L3MBTL4: variants seen among roughly 807,000 people sequenced by gnomAD.
L3MBTL4 encodes the protein lethal(3)malignant brain tumor-like protein 4.
Under a neutral mutation model 84.5 loss-of-function variants are expected in L3MBTL4, and 70 were observed. That is an observed-to-expected ratio of 0.83 (90% CI 0.68 to 1.01). The LOEUF (loss-of-function observed/expected upper bound fraction) is 1.01. Among genes scored for constraint, L3MBTL4 ranks in the 50% least tolerant of loss-of-function variants. The pLI is 0.00. For synonymous variants in L3MBTL4, 274 were observed against 259.8 expected (o/e 1.05, Z -0.52); for missense variants, 715 against 754.8 (o/e 0.95, Z 0.62).
At chr18:6,073,971 C>T (rs2057775249) in intron 16 of L3MBTL4, among the ~76,000 whole-genome samples, 1 of 152,110 alleles carries the variant, frequency 6.6e-6, no homozygotes, top group African/African-American at 2.4e-5. Flanking sequence ...CTGTCATATT[C>T]CTAAGTTAGA....
intron 1 of L3MBTL4, among the ~76,000 whole-genome samples, chr18:6,337,010 A>G (rs1388932391): frequency 6.6e-6 from 1 of 152,224 alleles, no homozygotes; most frequent in African/African-American, 2.4e-5. Context: ...AAAATACAAT[A>G]TCTGAAACTC....
intron 1 of L3MBTL4, among the ~76,000 whole-genome samples, chr18:6,385,598 AC>A (rs2054786169): frequency 6.6e-6 from 1 of 152,004 alleles, no homozygotes; most frequent in African/African-American, 2.4e-5. Context: ...TTGGTTAACC[AC>A]TCTTCAAGCT....
intron 5 of L3MBTL4, among the ~76,000 whole-genome samples, chr18:6,261,260 CAG>C (rs2048387660): frequency 6.6e-6 from 1 of 152,202 alleles, no homozygotes; most frequent in Admixed American, 6.5e-5. Context: ...TTTGCACACA[CAG>C]AGTCTTAAAC....
At chr18:6,403,734 T>C (rs1266300829) in intron 1 of L3MBTL4, among the ~76,000 whole-genome samples, 1 of 152,180 alleles carries the variant, frequency 6.6e-6, no homozygotes, top group Non-Finnish European at 1.5e-5. Context: ...GATCCAGCAA[T>C]CCCACTACTG....
intron 5 of L3MBTL4, among the ~76,000 whole-genome samples, chr18:6,253,003 A>G (rs982880461): frequency 6.6e-6 from 1 of 152,162 alleles, no homozygotes; most frequent in African/African-American, 2.4e-5. Flanking sequence ...AGAGATCAAG[A>G]CCATCCTGGC....
At chr18:6,311,258 T>A (rs191806434) in intron 3 of L3MBTL4, among the ~76,000 whole-genome samples, 1 of 152,152 alleles carries the variant, frequency 6.6e-6, no homozygotes, top group Admixed American at 6.5e-5. Flanking sequence ...AACCCTAATG[T>A]AACCCCATGC....
chr18:6,378,138 A>T (rs575937330), intron 1 of L3MBTL4, among the ~76,000 whole-genome samples: 1 of 152,290 alleles, frequency 6.6e-6, no homozygotes, highest in African/African-American at 2.4e-5. Context: ...GTCTGTTCAT[A>T]TCCTTTGCCC....
At chr18:6,146,161 C>T (rs2042642213) in intron 13 of L3MBTL4, among the ~76,000 whole-genome samples, 1 of 152,228 alleles carries the variant, frequency 6.6e-6, no homozygotes, top group Non-Finnish European at 1.5e-5. Context: ...CTGGGAGACA[C>T]TGGCAAGCAC....
At chr18:6,314,292 C>T (rs1388534153) in intron 1 of L3MBTL4, among the ~76,000 whole-genome samples, 1 of 152,190 alleles carries the variant, frequency 6.6e-6, no homozygotes, top group Non-Finnish European at 1.5e-5. Context: ...AATGTCACAT[C>T]AGCCACATGT....
chr18:6,143,999 T>C (rs146372723), intron 13 of L3MBTL4, among the ~76,000 whole-genome samples: 2,747 of 151,950 alleles, frequency 0.018, 65 homozygotes, highest in African/African-American at 0.058. Flanking sequence ...AGATCGAGAC[T>C]ATCCTGGCTA....
intron 16 of L3MBTL4, among the ~76,000 whole-genome samples, chr18:6,028,360 A>T (rs2055611570): frequency 6.6e-6 from 1 of 152,018 alleles, no homozygotes; most frequent in Non-Finnish European, 1.5e-5. Context: ...GTGTGGTGTT[A>T]TTTCTGAGGT....
At chr18:6,123,861 A>C (rs910185986) in intron 14 of L3MBTL4, among the ~76,000 whole-genome samples, 2 of 152,194 alleles carry the variant, frequency 1.3e-5, no homozygotes, top group African/African-American at 4.8e-5. Flanking sequence ...AACTGTTTTT[A>C]CTTTGAAAAA....
At chr18:5,994,257 AG>A (rs2053843152) in intron 16 of L3MBTL4, among the ~76,000 whole-genome samples, 1 of 152,206 alleles carries the variant, frequency 6.6e-6, no homozygotes, top group African/African-American at 2.4e-5. Context: ...GTCTTTCTCT[AG>A]CACAATTGTG....
At chr18:6,025,846 T>C (rs1016766367) in intron 16 of L3MBTL4, among the ~76,000 whole-genome samples, 1 of 152,236 alleles carries the variant, frequency 6.6e-6, no homozygotes, top group Non-Finnish European at 1.5e-5. Context: ...GCTCAGGCAG[T>C]AATGCTCACC....
At chr18:6,098,151 T>C (rs1018757358) in intron 14 of L3MBTL4, among the ~76,000 whole-genome samples, 5 of 152,224 alleles carry the variant, frequency 3.3e-5, no homozygotes, top group Non-Finnish European at 7.3e-5. Flanking sequence ...GGAGACTTGA[T>C]TCCCACTTCT....
At chr18:6,246,331 C>T (rs1402944308) in intron 5 of L3MBTL4, among the ~76,000 whole-genome samples, 1 of 151,988 alleles carries the variant, frequency 6.6e-6, no homozygotes, top group African/African-American at 2.4e-5. Context: ...TTCTAGATAC[C>T]TTTGAATGTT....
At chr18:6,047,881 C>T (rs2056689068) in intron 16 of L3MBTL4, among the ~76,000 whole-genome samples, 1 of 152,200 alleles carries the variant, frequency 6.6e-6, no homozygotes, top group African/African-American at 2.4e-5. Flanking sequence ...TCCTATTTAA[C>T]ATAGTACTGG....
At chr18:6,219,593 G>A (rs779506447) in intron 10 of L3MBTL4, among the ~76,000 whole-genome samples, 29 of 150,700 alleles carry the variant, frequency 1.9e-4, no homozygotes, top group African/African-American at 6.3e-4. Context: ...GAGCTAGGGC[G>A]TCGGCCACTC....
At chr18:5,968,070 G>A (rs2052441957) in intron 17 of L3MBTL4, among the ~76,000 whole-genome samples, 1 of 152,378 alleles carries the variant, frequency 6.6e-6, no homozygotes, top group Non-Finnish European at 1.5e-5. Context: ...CACACTCAGT[G>A]TCTCCAATTT....
Sources: gnomAD v4.1 joint callset for allele counts (sites outside exome capture counted in the v4.1 genomes callset) on GRCh38, gnomAD v4.1.1 for gene constraint, MANE v1.5 for transcripts, NCBI Gene and HGNC (gene_info 2026-07-23, HGNC 2026-07-21) for gene names.